The following PPHLN1 variants were observed in gnomAD, a reference collection of about 807,000 sequenced individuals.
PPHLN1 encodes periphilin 1.
In PPHLN1, 29 loss-of-function variants were observed where a neutral mutation model predicts 51.3. That is an observed-to-expected ratio of 0.57 (90% CI 0.42 to 0.77). The LOEUF is 0.77. Among genes scored for constraint, PPHLN1 ranks in the 30% least tolerant of loss-of-function variants. The probability of loss-of-function intolerance (pLI) is 0.00; values close to 1 mark genes in which losing one functional copy is unlikely to be tolerated. For missense variants in PPHLN1, 436 were observed against 438.4 expected, an observed-to-expected ratio of 0.99 and a Z score of 0.05; for synonymous variants, 147 against 147.8, an observed-to-expected ratio of 0.99 and a Z score of 0.04.
At chr12:42,432,830 C>G (rs747426281) in intron 9 of PPHLN1, among the ~76,000 whole-genome samples, 2 of 152,214 alleles carry the variant, frequency 1.3e-5, no homozygotes, top group African/African-American at 4.8e-5. Context: ...CTCTTCATTT[C>G]TGGTCATAAG....
In PPHLN1 at chr12:42,402,976, T is replaced by C. The variant is rs79334674; in HGVS notation, c.909+3982T>C. 1.0e-3 allele frequency among the ~76,000 whole-genome samples: 152 copies of C among 152,332 alleles called. 5 individuals are homozygous for C. The East Asian group carries it at 0.026, about 26-fold the overall frequency. ...GTTTTTGTTTTACATTTAAAGAGGCTAGAAGTAAAGATTAGTGAAATGTAC... is the reference window on the plus strand; with the variant it reads ...GTTTTTGTTTTACATTTAAAGAGGCCAGAAGTAAAGATTAGTGAAATGTAC... On this transcript the variant is annotated intron_variant, in intron 9 of 9. Transcript: ENST00000358314.
At chr12:42,419,674 T>G (rs1185134387) in intron 9 of PPHLN1, among the ~76,000 whole-genome samples, 1 of 152,248 alleles carries the variant, frequency 6.6e-6, no homozygotes, top group Non-Finnish European at 1.5e-5. Flanking sequence ...TTACTTGTGT[T>G]GGTCATTTTT....
intron 4 of PPHLN1, among the ~76,000 whole-genome samples, chr12:42,364,109 AGCTACT>A (rs1412519790): frequency 6.6e-6 from 1 of 152,168 alleles, no homozygotes; most frequent in Non-Finnish European, 1.5e-5. Context: ...CTGTAGTCCC[AGCTACT>A]CAGGAGACTG....
Position 42,332,842 on chromosome 12 carries a change from A to G in PPHLN1, c.-20-3041A>G, listed in dbSNP as rs75689195. On this transcript the variant is annotated intron_variant, in intron 1 of 9. Coordinates refer to ENST00000358314, the MANE Select transcript of PPHLN1 (RefSeq NM_201439.2). Reference sequence around the variant, plus strand: ...TTGTTTATTTTTCTCATTTATTACAAAACCTTATTTTTATTTACATTCTCC... The same window carrying G: ...TTGTTTATTTTTCTCATTTATTACAGAACCTTATTTTTATTTACATTCTCC... 674 of 515,438 alleles carry G rather than the reference A, an allele frequency of 1.3e-3. 5 individuals are homozygous for G. Among genetic ancestry groups the G allele is most frequent in the African/African-American group, 0.013 (634 of 50,136 alleles). 31.9% of individuals were successfully genotyped at this position (515,438 alleles called of 1,614,324 possible). A position where few individuals can be genotyped will look rare whatever the true frequency, so the allele number is the denominator to read the frequency against.
downstream of PPHLN1, chr12:42,446,338 T>A: frequency 6.6e-7 from 1 of 1,526,506 alleles, no homozygotes; most frequent in African/African-American, 1.4e-5. Context: ...CCGTACCTAC[T>A]ATACCCTATT....
At chr12:42,378,001 A>G (rs2138845847) in intron 5 of PPHLN1, among the ~76,000 whole-genome samples, 1 of 152,356 alleles carries the variant, frequency 6.6e-6, no homozygotes, top group South Asian at 2.1e-4. Flanking sequence ...ATTTAAAAAT[A>G]AAGTTGGTAG....
In PPHLN1 at chr12:42,357,503, A is replaced by G. The variant is rs992423482; in HGVS notation, c.299+2281A>G. Among the ~76,000 whole-genome samples, 25 of 152,324 alleles carry G rather than the reference A, an allele frequency of 1.6e-4. No homozygotes were observed. The East Asian group carries it at 2.3e-3, about 14-fold the overall frequency. Reference sequence around the variant, plus strand: ...CAGTAGCAGTGGCATTACAAATCCAATGGAGAAAGAATGAACTTTTCAATA... The same window carrying G: ...CAGTAGCAGTGGCATTACAAATCCAGTGGAGAAAGAATGAACTTTTCAATA... On this transcript the variant is annotated intron_variant, in intron 4 of 9. Transcript: ENST00000358314.
chr12:42,366,879 A>G (rs1382730138), intron 4 of PPHLN1, among the ~76,000 whole-genome samples: 2 of 152,222 alleles, frequency 1.3e-5, no homozygotes, highest in Non-Finnish European at 2.9e-5. Context: ...TTAAACTTCT[A>G]GGGTCCACAC....
intron 2 of PPHLN1, among the ~76,000 whole-genome samples, chr12:42,349,798 T>C (rs897627757): frequency 2.6e-5 from 4 of 152,284 alleles, no homozygotes; most frequent in Middle Eastern, 6.8e-3. Context: ...GTCTCCTACG[T>C]CTACTTCTTT....
chr12:42,401,841 T>G (rs888003519), intron 9 of PPHLN1, among the ~76,000 whole-genome samples: 1 of 151,990 alleles, frequency 6.6e-6, no homozygotes, highest in African/African-American at 2.4e-5. Flanking sequence ...TGAGGTGTTT[T>G]TTGTTGTTGT....
chr12:42,424,874 CA>C (rs2081290199), intron 9 of PPHLN1, among the ~76,000 whole-genome samples: 1 of 132,736 alleles, frequency 7.5e-6, no homozygotes, highest in Non-Finnish European at 1.6e-5. Flanking sequence ...AAACTATTTA[CA>C]AAATTGTTAC....
At position 42,351,582 on chromosome 12, in the gene PPHLN1, A is replaced by G. The variant is rs188265021; in HGVS notation, c.73-303A>G. 1.8e-4 allele frequency: 32 copies of G among 175,122 alleles called. No individual in the cohort carries two copies. The East Asian group carries it at 4.9e-3, about 27-fold the overall frequency. 10.8% of individuals were successfully genotyped at this position (175,122 alleles called of 1,614,324 possible). A position where few individuals can be genotyped will look rare whatever the true frequency, so the allele number is the denominator to read the frequency against. On this transcript the variant is annotated intron_variant, in intron 2 of 9. Coordinates refer to ENST00000358314, the MANE Select transcript of PPHLN1 (RefSeq NM_201439.2). ...CAATTAGGGATAGAGCTACTGTAAC[A>G]TTCTGTCTTAAGTTTATTTTTTACT...
chr12:42,349,983 G>C (rs114085087), intron 2 of PPHLN1, among the ~76,000 whole-genome samples: 24,197 of 150,248 alleles, frequency 0.16, 2,032 homozygotes, highest in Admixed American at 0.2. Flanking sequence ...ACGTGGTGGC[G>C]GGGCAGAGGG....
At chr12:42,416,020 C>T (rs1254375472) in intron 9 of PPHLN1, among the ~76,000 whole-genome samples, 2 of 152,116 alleles carry the variant, frequency 1.3e-5, no homozygotes, top group Admixed American at 1.3e-4. Context: ...AGGTAGGATT[C>T]TCATAGGTAG....
chr12:42,404,118 G>A (rs2079078006), intron 9 of PPHLN1, among the ~76,000 whole-genome samples: 1 of 151,204 alleles, frequency 6.6e-6, no homozygotes, highest in South Asian at 2.1e-4. Context: ...CCTATTATAT[G>A]TGAAAGCCGT....
At chr12:42,429,642 T>G (rs1237329712) in intron 9 of PPHLN1, among the ~76,000 whole-genome samples, 1 of 152,232 alleles carries the variant, frequency 6.6e-6, no homozygotes, top group African/African-American at 2.4e-5. Context: ...TTTACTAGAA[T>G]GTAAAGTCCT....
At chr12:42,425,309 T>G (rs1233535852) in intron 9 of PPHLN1, among the ~76,000 whole-genome samples, 1 of 151,090 alleles carries the variant, frequency 6.6e-6, no homozygotes, top group Non-Finnish European at 1.5e-5. Flanking sequence ...CAGGCTGGTC[T>G]TGAACTCCTG....
intron 2 of PPHLN1, among the ~76,000 whole-genome samples, chr12:42,342,451 A>G (rs1211503567): frequency 6.6e-6 from 1 of 152,162 alleles, no homozygotes; most frequent in African/African-American, 2.4e-5. Context: ...GTAAACTTCC[A>G]CTTATGGGGT....
intron 9 of PPHLN1, among the ~76,000 whole-genome samples, chr12:42,403,038 AAAT>A (rs1211343362): frequency 1.3e-5 from 2 of 152,194 alleles, no homozygotes; most frequent in African/African-American, 2.4e-5. Context: ...TGGACATGGA[AAAT>A]AATCAGCTTT....
Sources: allele counts gnomAD v4.1 joint callset (sites outside exome capture counted in the v4.1 genomes callset), GRCh38; gene constraint gnomAD v4.1.1; transcripts MANE v1.5; gene names NCBI Gene and HGNC (gene_info 2026-07-23, HGNC 2026-07-21).